STK11IP: variants seen among roughly 807,000 people sequenced by gnomAD.
STK11IP encodes the protein serine/threonine kinase 11 interacting protein.
Under a neutral mutation model 131.7 loss-of-function variants are expected in STK11IP, and 103 were observed. The observed-to-expected ratio is 0.78, with a 90% CI of 0.67 to 0.92. STK11IP has a LOEUF of 0.92. Ranked by LOEUF, STK11IP falls within the 40% of genes least tolerant of loss-of-function variation. The probability of loss-of-function intolerance (pLI) is 0.00; values close to 1 mark genes in which losing one functional copy is unlikely to be tolerated. For missense variants in STK11IP, 1,315 were observed against 1,385.7 expected, an observed-to-expected ratio of 0.95 and a Z score of 0.81; for synonymous variants, 557 against 575.6, an observed-to-expected ratio of 0.97 and a Z score of 0.46.
In STK11IP at chr2:219,615,277, G is replaced by T; in HGVS notation, c.3053G>T (p.Ser1018Ile). 6.2e-7 allele frequency: 1 copy of T among 1,600,500 alleles called. No homozygotes were observed. The highest frequency in any genetic ancestry group is 8.5e-7 in the Non-Finnish European group (1 of 1,178,508). The change falls in exon 24 of 25, where the codon AGC becomes ATC. Residue 1018 changes from serine to isoleucine, a missense_variant. Ser to Ile is a moderately radical substitution (Grantham distance 142). Transcript: ENST00000456909. ...GTCAGGGAGCAGCAGCCACTCAGCA[G>T]CCTGAGCTCCGTGCTGCTCTACCGC... ...VRVREQQPLS[S>I]LSSVLLYRSA... is the part of the protein sequence containing the mutation.
Position 219,608,033 on chromosome 2 carries a change from C to T in STK11IP, c.1220-14C>T, listed in dbSNP as rs773640978. ...GGGCAGGCTTGCTCAGTTCTGGGTT[C>T]CCCTCCTGCCTAGGATGGTTCGTGC... On this transcript the variant is annotated splice_polypyrimidine_tract_variant and intron_variant, in intron 13 of 24. Coordinates refer to ENST00000456909, the MANE Select transcript of STK11IP (RefSeq NM_052902.4). The T allele has an allele frequency of 1.2e-6, 2 of 1,604,876 alleles. No homozygotes were observed. Among genetic ancestry groups the T allele is most frequent in the South Asian group, 1.1e-5 (1 of 90,348 alleles).
Position 219,608,083 on chromosome 2 carries a change from T to C in STK11IP, c.1256T>C (p.Met419Thr), listed in dbSNP as rs1477427688. ...FVQQHPELEL[M>T]SSFRERFGRN... ...CAGCAGCACCCGGAGCTGGAGCTCA[T>C]GAGCAGCTTCCGGGAACGGTTCGGC... The change falls in exon 14 of 25, where the codon ATG becomes ACG. Residue 419 changes from methionine (M) to threonine (T), a missense_variant. Met to Thr is a moderately conservative substitution (Grantham distance 81, BLOSUM62 -1). Transcript: ENST00000456909. 6 of 1,612,512 alleles carry C rather than the reference T, an allele frequency of 3.7e-6. No individual in the cohort carries two copies. The highest frequency in any genetic ancestry group is 8.5e-7 in the Non-Finnish European group (1 of 1,179,874).
At position 219,611,744 on chromosome 2, in the gene STK11IP, C is replaced by T. The variant is rs776907199; in HGVS notation, c.2245C>T (p.Pro749Ser). ...SPSASPVCHP[P>S]GHGDHLDRAK... ...GTCTGCCAGCCCTGTCTGCCACCCT[C>T]CTGGCCATGGTGACCACCTTGACAG... The change falls in exon 18 of 25, where the codon CCT becomes TCT. Residue 749 changes from proline to serine, a missense_variant. Coordinates refer to ENST00000456909, the MANE Select transcript of STK11IP (RefSeq NM_052902.4). 1.9e-6 allele frequency: 3 copies of T among 1,613,090 alleles called. No individual in the cohort carries two copies. In the South Asian group the frequency reaches 3.3e-5, roughly 18 times the overall value.
intron 7 of STK11IP, 23 bp downstream of exon 7, chr2:219,602,799 C>G: frequency 6.2e-7 from 1 of 1,601,132 alleles, no homozygotes; most frequent in Non-Finnish European, 8.5e-7. Flanking sequence ...AGTTTGGCAG[C>G]TGGCACACCA....
chr2:219,613,009 G>A (rs572582676), intron 19 of STK11IP, 119 bp from the exon 20 acceptor site: 2 of 697,344 alleles, frequency 2.9e-6, no homozygotes, highest in East Asian at 2.8e-5. Context: ...TCCATAGACT[G>A]GTGGGTGGGC....
intron 22 of STK11IP, 108 bp downstream of exon 22, chr2:219,614,350 G>A: frequency 6.6e-7 from 1 of 1,521,062 alleles, no homozygotes; most frequent in Non-Finnish European, 9.1e-7. Flanking sequence ...CTGTCCTCAT[G>A]CCATGCCCCT....
At position 219,607,056 on chromosome 2, in the gene STK11IP, C is replaced by G. The variant is rs748040290; in HGVS notation, c.1138C>G (p.Arg380Gly). 4 of 1,613,862 alleles carry G rather than the reference C, an allele frequency of 2.5e-6. No individual in the cohort carries two copies. The highest frequency in any genetic ancestry group is 3.4e-6 in the Non-Finnish European group (4 of 1,179,872). Residue 380 changes from arginine (R) to glycine (G), a missense_variant, in exon 13 of 25, where the codon CGA becomes GGA. By Grantham distance (125) the Arg-to-Gly change is moderately radical. Coordinates refer to ENST00000456909, the MANE Select transcript of STK11IP (RefSeq NM_052902.4). ...TTCTTCCCTCCACCAACCTCAGAGC[C>G]GAGTCCGTGTGAGGCGGGCAAGCAT... Reference protein sequence around the residue: ...TQPLLHKVKSRVRVRRASISE... With the variant: ...TQPLLHKVKSGVRVRRASISE...
Position 219,605,736 on chromosome 2 carries a change from T to C in STK11IP, c.745+2T>C. 6.3e-7 allele frequency: 1 copy of C among 1,595,314 alleles called. No homozygotes were observed. ...GCAATGAGCTTCGGAGCCTGCATGGTGAGTGGGGGTGTGTGATGGGGCAAG... is the reference window on the plus strand; with the variant it reads ...GCAATGAGCTTCGGAGCCTGCATGGCGAGTGGGGGTGTGTGATGGGGCAAG... On this transcript the variant is annotated splice_donor_variant, in intron 8 of 24. Coordinates refer to ENST00000456909, the MANE Select transcript of STK11IP (RefSeq NM_052902.4). LOFTEE classifies it high-confidence loss of function.
In STK11IP at chr2:219,608,414, C is replaced by A; in HGVS notation, c.1587C>A (p.Asp529Glu). ...EAGEEEEEEQDQKEVEAELCR... is the reference protein window; with the variant it reads ...EAGEEEEEEQEQKEVEAELCR... ...GAGAGGAGGAAGAAGAGGAGCAGGA[C>A]CAGAAGGAAGTGGAAGGTGAGCCCT... Residue 529 changes from aspartate (D) to glutamate (E), a missense_variant, in exon 14 of 25, where the codon GAC (aspartate) becomes GAA (glutamate). By Grantham distance (45) the Asp-to-Glu change is conservative. Coordinates refer to ENST00000456909, the MANE Select transcript of STK11IP (RefSeq NM_052902.4). 6.4e-7 allele frequency: 1 copy of A among 1,566,748 alleles called. No homozygotes were observed. Among genetic ancestry groups the A allele is most frequent in the Non-Finnish European group, 8.6e-7 (1 of 1,156,412 alleles).
chr2:219,614,899 G>T, intron 23 of STK11IP, 195 bp from the exon 24 acceptor site: 1 of 666,530 alleles, frequency 1.5e-6, no homozygotes. Context: ...GGGGGCGGTA[G>T]GCCTCAGAGG....
At position 219,606,531 on chromosome 2, in the gene STK11IP, G is replaced by C. The variant is rs746111529; in HGVS notation, c.987+14G>C. 5.0e-6 allele frequency: 8 copies of C among 1,612,708 alleles called. No homozygotes were observed. The South Asian group carries it at 5.5e-5, about 11-fold the overall frequency. ...ACAGATTTTCAGGTCGGTGTGGTTGGGGGGCGAGGACTGTTGGGGGAAGAC... is the reference window on the plus strand; with the variant it reads ...ACAGATTTTCAGGTCGGTGTGGTTGCGGGGCGAGGACTGTTGGGGGAAGAC... On this transcript the variant is annotated intron_variant, in intron 11 of 24. Transcript: ENST00000456909.
In STK11IP at chr2:219,615,157, A is replaced by G. The variant is rs761937831; in HGVS notation, c.2933A>G (p.Asp978Gly). 1.9e-6 allele frequency: 3 copies of G among 1,606,308 alleles called. No homozygotes were observed. The highest frequency in any genetic ancestry group is 1.7e-6 in the Non-Finnish European group (2 of 1,178,048). ...TPSTLFLLDEDAAGSPAEPSP... is the reference protein window; with the variant it reads ...TPSTLFLLDEGAAGSPAEPSP... ...TCCACCCTGTTCCTGTTAGATGAGG[A>G]TGCTGCAGGGTCCCCGGCAGAGCCC... The change falls in exon 24 of 25, where the codon GAT (aspartate) becomes GGT (glycine). Residue 978 changes from aspartate (D) to glycine (G), a missense_variant. Coordinates refer to ENST00000456909, the MANE Select transcript of STK11IP (RefSeq NM_052902.4).
At position 219,606,694 on chromosome 2, in the gene STK11IP, C is replaced by T. The variant is rs746629917; in HGVS notation, c.988-18C>T. 6 of 1,600,852 alleles carry T rather than the reference C, an allele frequency of 3.7e-6. No homozygotes were observed. The African/African-American group carries it at 4.0e-5, about 11-fold the overall frequency. ...CCCAGGCTCCAACCTCTCTCTCCTT[C>T]CTGTCGTCACGTGCCAGACTCACAC... is the stretch of plus-strand genomic sequence containing the variant. On this transcript the variant is annotated intron_variant, in intron 11 of 24. Coordinates refer to ENST00000456909, the MANE Select transcript of STK11IP (RefSeq NM_052902.4).
chr2:219,615,918 G>A (rs1283283787), intron 24 of STK11IP, 126 bp from the exon 25 acceptor site: 3 of 1,233,822 alleles, frequency 2.4e-6, no homozygotes, highest in East Asian at 2.5e-5. Context: ...GGAGTGACAT[G>A]GGCCTGGGGA....
intron 20 of STK11IP, 48 bp downstream of exon 20, chr2:219,613,273 T>TG (rs1223069921): frequency 4.0e-5 from 15 of 370,916 alleles, no homozygotes; most frequent in Admixed American, 1.3e-4. Context: ...ATGGGGTGAG[T>TG]TGGGGGGAGA....
Position 219,611,853 on chromosome 2 carries a change from A to C in STK11IP, c.2335+19A>C. 4.4e-6 allele frequency: 7 copies of C among 1,602,330 alleles called. No individual in the cohort carries two copies. The highest frequency in any genetic ancestry group is 6.0e-6 in the Non-Finnish European group (7 of 1,174,482). On this transcript the variant is annotated intron_variant, in intron 18 of 24. Transcript: ENST00000456909. ...AGTCCCCGTGAGTATAGGCAAAACA[A>C]GACATAGATGAGTTTGGGGAAGGGA...
rs781673637 is a variant in STK11IP at position 219,609,430 on chromosome 2, T to C, written c.1994T>C (p.Leu665Pro). The C allele has an allele frequency of 6.2e-7, 1 of 1,612,926 alleles. No individual in the cohort carries two copies. The highest frequency in any genetic ancestry group is 8.5e-7 in the Non-Finnish European group (1 of 1,179,618). Residue 665 changes from leucine (L) to proline (P), a missense_variant, in exon 17 of 25, where the codon CTC (leucine) becomes CCC (proline). Physicochemically the swap from Leu to Pro is moderately conservative, Grantham distance 98. Coordinates refer to ENST00000456909, the MANE Select transcript of STK11IP (RefSeq NM_052902.4). ...AREQLGEARD[L>P]LLGRFQCLRC... ...GAACAGCTTGGGGAGGCCAGGGACCTCCTGCTGGGTAGATTCCAGTGTCTA... is the reference window on the plus strand; with the variant it reads ...GAACAGCTTGGGGAGGCCAGGGACCCCCTGCTGGGTAGATTCCAGTGTCTA...
In STK11IP at chr2:219,601,991, C is replaced by G. The variant is rs774549015; in HGVS notation, c.346C>G (p.Arg116Gly). 1.2e-6 allele frequency: 2 copies of G among 1,609,700 alleles called. No individual in the cohort carries two copies. The highest frequency in any genetic ancestry group is 8.5e-7 in the Non-Finnish European group (1 of 1,178,126). ...PFKSLRHLEL[R>G]GVPLHCLHGL... Reference sequence around the variant, plus strand: ...CCCTCCTCTTTCCTTGTCCCAGCTCCGAGGTGTTCCCCTCCACTGTCTGCA... The same window carrying G: ...CCCTCCTCTTTCCTTGTCCCAGCTCGGAGGTGTTCCCCTCCACTGTCTGCA... Residue 116 changes from arginine to glycine, a missense_variant, in exon 5 of 25, where the codon CGA (arginine) becomes GGA (glycine). By Grantham distance (125) the Arg-to-Gly change is moderately radical (BLOSUM62 -2). Transcript: ENST00000456909.
Position 219,601,232 on chromosome 2 carries a change from C to T in STK11IP, c.62-3C>T, listed in dbSNP as rs755208736. ...TCCCTCCTGTTTGCCCCTTTTTCTG[C>T]AGGGGATGTGGTCCTGTCTGGCTGT... On this transcript the variant is annotated splice_polypyrimidine_tract_variant and splice_region_variant and intron_variant, in intron 2 of 24. Coordinates refer to ENST00000456909, the MANE Select transcript of STK11IP (RefSeq NM_052902.4). The T allele has an allele frequency of 1.9e-6, 3 of 1,603,310 alleles. No individual in the cohort carries two copies. The East Asian group carries it at 6.7e-5, about 36-fold the overall frequency.
Sources: allele counts gnomAD v4.1 joint callset, GRCh38; gene constraint gnomAD v4.1.1; transcripts MANE v1.5; gene names NCBI Gene and HGNC (gene_info 2026-07-23, HGNC 2026-07-21).